Variants in NAA16 observed in about 807,000 individuals in gnomAD.
NAA16 encodes NARG1-like protein.
In NAA16, 97 loss-of-function variants were observed where a neutral mutation model predicts 110.3. That is an observed-to-expected ratio of 0.88 (90% CI 0.75 to 1.04). NAA16 has a LOEUF of 1.04. Ranked by LOEUF, NAA16 falls within the 50% of genes least tolerant of loss-of-function variation. The pLI, the probability that NAA16 is intolerant of heterozygous loss-of-function variation, is 0.00. For synonymous variants in NAA16, 372 were observed against 330.6 expected (o/e 1.13, Z -1.36); for missense variants, 1,017 against 1,005.1 (o/e 1.01, Z -0.16).
chr13:41,314,544 A>C (rs752765892), intron 1 of NAA16, among the ~76,000 whole-genome samples: 48 of 149,056 alleles, frequency 3.2e-4, no homozygotes, highest in Admixed American at 1.7e-3. Context: ...CTTTTTTTCC[A>C]TGAAGACTTT....
At chr13:41,363,821 AAGT>A (rs1324074823) in intron 13 of NAA16, among the ~76,000 whole-genome samples, 1 of 152,160 alleles carries the variant, frequency 6.6e-6, no homozygotes, top group Non-Finnish European at 1.5e-5. Flanking sequence ...GATTAGAAAG[AAGT>A]AGAAACATAA....
chr13:41,373,985 T>C (rs2043376649), intron 18 of NAA16: 1 of 740,664 alleles, frequency 1.4e-6, no homozygotes, highest in African/African-American at 1.9e-5. Flanking sequence ...GTGATGTTTA[T>C]TCAAAGGGTT....
intron 9 of NAA16, among the ~76,000 whole-genome samples, 176 bp downstream of exon 9, chr13:41,336,932 G>T (rs2139431272): frequency 6.6e-6 from 1 of 152,026 alleles, no homozygotes; most frequent in African/African-American, 2.4e-5. Context: ...CAAAGTAAAG[G>T]GTTTATGAAA....
chr13:41,357,378 A>ATTT (rs2043013546), intron 10 of NAA16, among the ~76,000 whole-genome samples: 1 of 15,020 alleles, frequency 6.7e-5, no homozygotes, highest in African/African-American at 6.0e-4. Context: ...GATTCTAATA[A>ATTT]TTTCTGCATT....
Position 41,341,103 on chromosome 13 carries a change from C to T in NAA16, c.1014+4347C>T, listed in dbSNP as rs541674630. ...TATGCGGTCAATTTTAGAATAAGTG[C>T]GATGTGGTGCTGAGAAGAGTGTATA... On this transcript the variant is annotated intron_variant, in intron 9 of 19. Coordinates refer to ENST00000379406, the MANE Select transcript of NAA16 (RefSeq NM_024561.5). Among the ~76,000 whole-genome samples, 3 of 152,134 alleles carry T rather than the reference C, an allele frequency of 2.0e-5. No homozygotes were observed. In the South Asian group the frequency reaches 6.2e-4, roughly 32 times the overall value.
Position 41,367,479 on chromosome 13 carries a change from C to T in NAA16, c.1580C>T (p.Thr527Ile), listed in dbSNP as rs2043229424. 1.2e-6 allele frequency: 2 copies of T among 1,612,414 alleles called. No homozygotes were observed. The highest frequency in any genetic ancestry group is 1.3e-5 in the African/African-American group (1 of 74,896). ...ACTGATGACCAATTCGACTTCCATACATACTGCATGAGAAAGATGACCCTT... is the reference window on the plus strand; with the variant it reads ...ACTGATGACCAATTCGACTTCCATATATACTGCATGAGAAAGATGACCCTT... Reference protein sequence around the residue: ...EITDDQFDFHTYCMRKMTLRA... With the variant: ...EITDDQFDFHIYCMRKMTLRA... The change falls in exon 14 of 20, where the codon ACA becomes ATA. Residue 527 changes from threonine to isoleucine, a missense_variant. Physicochemically the swap from Thr to Ile is moderately conservative, Grantham distance 89. Coordinates refer to ENST00000379406, the MANE Select transcript of NAA16 (RefSeq NM_024561.5).
At chr13:41,325,920 C>T in intron 6 of NAA16, 69 bp downstream of exon 6, 3 of 1,278,288 alleles carry the variant, frequency 2.3e-6, no homozygotes, top group Middle Eastern at 2.7e-4. Context: ...TTATTCTCTC[C>T]TAAGTCTTAC....
In NAA16 at chr13:41,375,436, A is replaced by G. The variant is rs1210115783; in HGVS notation, c.2429A>G (p.Asp810Gly). 3 of 1,613,890 alleles carry G rather than the reference A, an allele frequency of 1.9e-6. No homozygotes were observed. The highest frequency in any genetic ancestry group is 2.2e-5 in the East Asian group (1 of 44,854). The change falls in exon 20 of 20, where the codon GAT (aspartate) becomes GGT (glycine). Residue 810 changes from aspartate to glycine, a missense_variant. Coordinates refer to ENST00000379406, the MANE Select transcript of NAA16 (RefSeq NM_024561.5). ...ATAAAGGTTTCTGAAGCACTGCTTGATGGCAGCTTTGGGAACTGTAGTTCC... is the reference window on the plus strand; with the variant it reads ...ATAAAGGTTTCTGAAGCACTGCTTGGTGGCAGCTTTGGGAACTGTAGTTCC... ...TLIKVSEALL[D>G]GSFGNCSSQY...
intron 5 of NAA16, among the ~76,000 whole-genome samples, chr13:41,324,340 A>C (rs1244611827): frequency 7.3e-6 from 1 of 136,764 alleles, no homozygotes; most frequent in Non-Finnish European, 1.6e-5. Flanking sequence ...GGTTAGATTT[A>C]GGTGTTTGCA....
chr13:41,331,450 G>A, intron 8 of NAA16, 81 bp downstream of exon 8: 2 of 1,029,424 alleles, frequency 1.9e-6, no homozygotes, highest in Non-Finnish European at 2.9e-6. Flanking sequence ...ACGTGTTTCT[G>A]GTATAGAGTT....
chr13:41,321,498 C>G (rs951619471), intron 4 of NAA16, among the ~76,000 whole-genome samples: 3 of 152,142 alleles, frequency 2.0e-5, no homozygotes, highest in Admixed American at 6.5e-5. Flanking sequence ...ACTGGAATAT[C>G]TATGTGCAGC....
chr13:41,366,572 GA>G (rs2043211369), intron 13 of NAA16, among the ~76,000 whole-genome samples: 1 of 152,088 alleles, frequency 6.6e-6, no homozygotes, highest in Admixed American at 6.6e-5. Flanking sequence ...TCATGGAAGG[GA>G]TTAGTTCTTA....
chr13:41,331,477 TTG>T (rs2042236776), intron 8 of NAA16, 108 bp downstream of exon 8: 2 of 734,510 alleles, frequency 2.7e-6, no homozygotes, highest in Non-Finnish European at 4.4e-6. Context: ...TACAGCAGTC[TTG>T]GAGTTGGGAG....
rs2042161297 is a variant in NAA16, at chr13:41,328,862, C to T, written c.811+19C>T. The T allele has an allele frequency of 1.3e-6, 2 of 1,573,916 alleles. No individual in the cohort carries two copies. The highest frequency in any genetic ancestry group is 1.7e-6 in the Non-Finnish European group (2 of 1,148,562). ...CAAATTAGTATGTAATGATTTTTCT[C>T]CTCTTTCTCATAACTACTGATTGAA... is the stretch of plus-strand genomic sequence containing the variant. On this transcript the variant is annotated intron_variant, in intron 7 of 19. Transcript: ENST00000379406.
At chr13:41,360,300 G>T (rs1432055030) in intron 12 of NAA16, among the ~76,000 whole-genome samples, 1 of 152,090 alleles carries the variant, frequency 6.6e-6, no homozygotes, top group Non-Finnish European at 1.5e-5. Context: ...TTTGGATTTT[G>T]GATTTTTGGG....
chr13:41,368,605 A>G (rs961808282), intron 14 of NAA16, among the ~76,000 whole-genome samples: 1 of 152,210 alleles, frequency 6.6e-6, no homozygotes, highest in Non-Finnish European at 1.5e-5. Context: ...AGAAAAAAAA[A>G]GTATACAGCT....
intron 7 of NAA16, among the ~76,000 whole-genome samples, chr13:41,330,184 T>G (rs952338397): frequency 6.6e-6 from 1 of 151,954 alleles, no homozygotes; most frequent in Non-Finnish European, 1.5e-5. Flanking sequence ...CGAGGTTTTT[T>G]TTTGTTTTTT....
intron 9 of NAA16, among the ~76,000 whole-genome samples, chr13:41,339,502 G>C (rs934676163): frequency 6.6e-6 from 1 of 152,146 alleles, no homozygotes; most frequent in Admixed American, 6.5e-5. Context: ...TTTGGGTAGA[G>C]TGGAAGGCAA....
At chr13:41,352,102 G>A (rs1468860593) in intron 9 of NAA16, among the ~76,000 whole-genome samples, 1 of 152,186 alleles carries the variant, frequency 6.6e-6, no homozygotes, top group Non-Finnish European at 1.5e-5. Flanking sequence ...AGCACTTTAG[G>A]AGGCTAAGGT....
Sources: allele counts gnomAD v4.1 joint callset (sites outside exome capture counted in the v4.1 genomes callset), GRCh38; gene constraint gnomAD v4.1.1; transcripts MANE v1.5; gene names NCBI Gene and HGNC (gene_info 2026-07-23, HGNC 2026-07-21).